The following PSD3 variants were observed in gnomAD, a reference collection of about 807,000 sequenced individuals.
The protein encoded by PSD3 is PH and SEC7 domain-containing protein 3.
Under a neutral mutation model 105.5 loss-of-function variants are expected in PSD3, and 49 were observed. That is an observed-to-expected ratio of 0.46 (90% CI 0.37 to 0.59). PSD3 has a LOEUF of 0.59. PSD3 is among the 20% of genes least tolerant of loss of function. The pLI is 0.00. For missense variants in PSD3, 1,561 were observed against 1,263.8 expected (o/e 1.24, Z -3.57); for synonymous variants, 557 against 457.8 (o/e 1.22, Z -2.77).
At chr8:18,918,469 T>C (rs1311937623) in intron 2 of PSD3, among the ~76,000 whole-genome samples, 1 of 152,184 alleles carries the variant, frequency 6.6e-6, no homozygotes, top group Admixed American at 6.5e-5. Context: ...CCAACCAGAC[T>C]TCACAGTCAG....
intron 1 of PSD3, among the ~76,000 whole-genome samples, chr8:19,008,682 T>C (rs753223949): frequency 1.9e-4 from 29 of 150,056 alleles, no homozygotes; most frequent in Non-Finnish European, 3.6e-4. Flanking sequence ...GCTGCTTCTA[T>C]TAAAATTTTC....
chr8:19,046,328 T>C (rs1344480072), intron 1 of PSD3, among the ~76,000 whole-genome samples: 1 of 152,150 alleles, frequency 6.6e-6, no homozygotes, highest in Non-Finnish European at 1.5e-5. Flanking sequence ...GCCAGGATAG[T>C]CTCGAACTCC....
intron 2 of PSD3, among the ~76,000 whole-genome samples, chr8:18,875,840 C>T (rs2129458126): frequency 6.6e-6 from 1 of 152,178 alleles, no homozygotes; most frequent in Admixed American, 6.5e-5. Flanking sequence ...CCTGGCCATT[C>T]CAGAACATTT....
chr8:18,947,202 A>G (rs6982330), intron 1 of PSD3, among the ~76,000 whole-genome samples: 99,449 of 151,962 alleles, frequency 0.65, 32,792 homozygotes, highest in Non-Finnish European at 0.67. Context: ...GAAACAAACC[A>G]GGTAGCTGAA....
chr8:18,792,580 G>A (rs1043238036), intron 8 of PSD3, among the ~76,000 whole-genome samples: 2 of 152,154 alleles, frequency 1.3e-5, no homozygotes, highest in Non-Finnish European at 1.5e-5. Flanking sequence ...AGGGTGGGAG[G>A]AGTAAGAACA....
At position 18,639,661 on chromosome 8, in the gene PSD3, G is replaced by C. The variant is rs147729782; in HGVS notation, c.2217-6855C>G. Among the ~76,000 whole-genome samples, 490 of 152,214 alleles carry C rather than the reference G, an allele frequency of 3.2e-3. 5 individuals are homozygous for C. The highest frequency in any genetic ancestry group is 0.011 in the African/African-American group (444 of 41,534). ...GAGAGAGGCATGGAGGAGACTCCCG[G>C]TCATGGCCTTCAGGAGGAAACAACC... On this transcript the variant is annotated intron_variant, in intron 10 of 15. Transcript: ENST00000327040.
intron 9 of PSD3, among the ~76,000 whole-genome samples, chr8:18,703,664 C>T (rs1441439262): frequency 2.0e-5 from 3 of 152,094 alleles, no homozygotes; most frequent in African/African-American, 7.2e-5. Flanking sequence ...GACTGCAGTA[C>T]AATGGATGCT....
intron 2 of PSD3, among the ~76,000 whole-genome samples, chr8:18,900,678 T>A (rs936726834): frequency 2.4e-5 from 3 of 126,670 alleles, no homozygotes; most frequent in African/African-American, 9.5e-5. Flanking sequence ...GGAGACAGGG[T>A]CTTGCTCTGT....
At chr8:18,611,209 G>C (rs1203837741) in intron 11 of PSD3, among the ~76,000 whole-genome samples, 3 of 147,050 alleles carry the variant, frequency 2.0e-5, no homozygotes, top group Non-Finnish European at 4.5e-5. Context: ...TTAGAGGTTA[G>C]AGAACACTTT....
rs374887941 is a variant in PSD3, at chr8:18,992,022, T to G, written c.21+21541A>C. ...CGTTTGCCCAAAATTGAATCATCAG[T>G]GAAAATGTCCATCAAACCTAGGTCG... On this transcript the variant is annotated intron_variant, in intron 1 of 15. Coordinates refer to ENST00000327040, the MANE Select transcript of PSD3 (RefSeq NM_015310.4). Among the ~76,000 whole-genome samples, 7 of 152,308 alleles carry G rather than the reference T, an allele frequency of 4.6e-5. No individual in the cohort carries two copies. In the East Asian group the frequency reaches 1.4e-3, roughly 29 times the overall value.
chr8:18,836,955 T>G (rs986688246), intron 4 of PSD3, among the ~76,000 whole-genome samples: 1 of 150,708 alleles, frequency 6.6e-6, no homozygotes, highest in African/African-American at 2.4e-5. Flanking sequence ...CTTACGTGTT[T>G]TTTTTTTTTT....
intron 9 of PSD3, among the ~76,000 whole-genome samples, chr8:18,756,725 G>A (rs1431677924): frequency 2.7e-5 from 4 of 146,180 alleles, no homozygotes; most frequent in Admixed American, 7.0e-5. Flanking sequence ...AGCGGTGACA[G>A]GGAGGAGTGA....
chr8:18,960,106 CAAT>C (rs941056205), intron 1 of PSD3, among the ~76,000 whole-genome samples: 1 of 152,300 alleles, frequency 6.6e-6, no homozygotes, highest in South Asian at 2.1e-4. Flanking sequence ...TCAACATCTA[CAAT>C]AATGTCTCGT....
At chr8:18,561,674 T>C (rs999237642) in intron 14 of PSD3, among the ~76,000 whole-genome samples, 3 of 152,234 alleles carry the variant, frequency 2.0e-5, no homozygotes, top group Non-Finnish European at 2.9e-5. Flanking sequence ...ATAATTATTA[T>C]ATGGTCAATT....
chr8:18,747,109 C>A (rs1390407115), intron 9 of PSD3, among the ~76,000 whole-genome samples: 1 of 152,188 alleles, frequency 6.6e-6, no homozygotes, highest in Non-Finnish European at 1.5e-5. Flanking sequence ...AAAAGGGCTT[C>A]TCAAACGTAA....
chr8:18,875,570 T>G (rs2129458098), intron 2 of PSD3, among the ~76,000 whole-genome samples: 1 of 152,054 alleles, frequency 6.6e-6, no homozygotes, highest in South Asian at 2.1e-4. Flanking sequence ...GGAGTCTTGC[T>G]CCGTCACCCA....
rs114036304 is a variant in PSD3, at chr8:19,035,901, C to T, written c.324+48305G>A. On this transcript the variant is annotated intron_variant, in intron 1 of 1. Transcript: ENST00000521475. ...TCTCAAGTAGCTGGGATTGCAGGTG[C>T]ATACCACTATGCCTGGCTAATTTTT... Among the ~76,000 whole-genome samples, 401 of 152,128 alleles carry T rather than the reference C, an allele frequency of 2.6e-3. 1 individual carries two copies. The highest frequency in any genetic ancestry group is 9.5e-3 in the African/African-American group (394 of 41,508).
At chr8:18,801,533 A>T in intron 6 of PSD3, 151 bp from the exon 7 acceptor site, 1 of 562,858 alleles carries the variant, frequency 1.8e-6, no homozygotes, top group Non-Finnish European at 3.1e-6. Context: ...ATCATTTACT[A>T]GACAGCCATT....
At chr8:18,851,798 A>C (rs1157148932) in intron 4 of PSD3, among the ~76,000 whole-genome samples, 2 of 152,252 alleles carry the variant, frequency 1.3e-5, no homozygotes, top group Non-Finnish European at 2.9e-5. Flanking sequence ...AAAGAGCTAC[A>C]CAGATTCTGC....
Sources: allele counts gnomAD v4.1 joint callset (sites outside exome capture counted in the v4.1 genomes callset), GRCh38; gene constraint gnomAD v4.1.1; transcripts MANE v1.5; gene names NCBI Gene and HGNC (gene_info 2026-07-23, HGNC 2026-07-21).